The following BOP1 variants were observed in gnomAD, a reference collection of about 807,000 sequenced individuals.
BOP1 encodes the protein ribosome biogenesis protein BOP1.
Under a neutral mutation model 82.9 loss-of-function variants are expected in BOP1, and 54 were observed. That is an observed-to-expected ratio of 0.65 (90% CI 0.52 to 0.82). The LOEUF is 0.82. Ranked by LOEUF, BOP1 falls within the 40% of genes least tolerant of loss-of-function variation. The pLI is 0.00. For missense variants in BOP1, 1,170 were observed against 1,072.0 expected (o/e 1.09, Z -1.28); for synonymous variants, 566 against 451.1 (o/e 1.25, Z -3.23).
At chr8:144,267,829 G>A (rs1242138507) in intron 3 of BOP1, among the ~76,000 whole-genome samples, 3 of 152,330 alleles carry the variant, frequency 2.0e-5, no homozygotes, top group African/African-American at 7.2e-5. Context: ...GGTGAGCAGG[G>A]AGAAAATACG....
At position 144,264,875 on chromosome 8, in the gene BOP1, C is replaced by G. The variant is rs907575457; in HGVS notation, c.545+42G>C. The G allele has an allele frequency of 1.3e-4, 204 of 1,608,264 alleles. 1 individual carries two copies. In the East Asian group the frequency reaches 3.1e-3, roughly 25 times the overall value. ...ACCCCGCCAGCCCTGCCCCACCCCTCGGGCCCACCCCGGCTGCTGGCCCCA... is the reference window on the plus strand; with the variant it reads ...ACCCCGCCAGCCCTGCCCCACCCCTGGGGCCCACCCCGGCTGCTGGCCCCA... On this transcript the variant is annotated intron_variant, in intron 4 of 15. Transcript: ENST00000569669.
intron 2 of BOP1, among the ~76,000 whole-genome samples, chr8:144,284,979 G>A (rs1814824815): frequency 6.6e-6 from 1 of 152,182 alleles, no homozygotes; most frequent in African/African-American, 2.4e-5. Context: ...CGGGCTCCCC[G>A]CTACAAGGGC....
intron 3 of BOP1, among the ~76,000 whole-genome samples, chr8:144,274,436 G>C (rs1845539269): frequency 6.6e-6 from 1 of 152,196 alleles, no homozygotes; most frequent in Non-Finnish European, 1.5e-5. Flanking sequence ...CTGCCCACCT[G>C]TGGCCCCAAA....
chr8:144,264,026 C>T lies in BOP1; in HGVS notation c.1095G>A (p.Glu365=). 2 of 1,608,944 alleles carry T rather than the reference C, an allele frequency of 1.2e-6. No homozygotes were observed. Among genetic ancestry groups the T allele is most frequent in the Middle Eastern group, 1.7e-4 (1 of 6,004 alleles). ...GGCACAGGTACAGGTCAAGGCAGCG[C>T]TCGAAGCGTTCCTGGATGAAGCGTC... ...AYGRFIQERF[E]RCLDLYLCPR... The change falls in exon 8 of 16, where the codon GAG becomes GAA. Residue 365 remains glutamate, a synonymous_variant. Coordinates refer to ENST00000569669, the MANE Select transcript of BOP1 (RefSeq NM_015201.5).
rs922811861 is a variant in BOP1 at position 144,262,976 on chromosome 8, G to A, written c.1771C>T (p.Arg591Trp). Residue 591 changes from arginine to tryptophan, a missense_variant, in exon 13 of 16, where the codon CGG (arginine) becomes TGG (tryptophan). Physicochemically the swap from Arg to Trp is moderately radical, Grantham distance 101. Coordinates refer to ENST00000569669, the MANE Select transcript of BOP1 (RefSeq NM_015201.5). ...TGGGACGCCACCAACAGGAAGGGCC[G>A]GGCAGGGTGGAAGGCCACTCGCTGC... ...QVQRVAFHPA[R>W]PFLLVASQRS... 141 of 1,550,904 alleles carry A rather than the reference G, an allele frequency of 9.1e-5. No individual in the cohort carries two copies. In the South Asian group the frequency reaches 1.5e-3, roughly 17 times the overall value.
Position 144,262,428 on chromosome 8 carries a change from G to A in BOP1, c.2055C>T (p.Gly685=). The A allele has an allele frequency of 6.2e-7, 1 of 1,612,816 alleles. No homozygotes were observed. Among genetic ancestry groups the A allele is most frequent in the Non-Finnish European group, 8.5e-7 (1 of 1,179,844 alleles). Residue 685 remains glycine (G), a synonymous_variant, in exon 15 of 16, where the codon GGC becomes GGT. Coordinates refer to ENST00000569669, the MANE Select transcript of BOP1 (RefSeq NM_015201.5). The part of the protein sequence containing the change: ...YPLFASGSDD[G]SVIVCHGMVY... The stretch of plus-strand genomic sequence containing the variant: ...CCATGCCATGGCAGACGATGACACT[G>A]CCGTCGTCCGAGCCTGACGCAAAGA...
intron 3 of BOP1, among the ~76,000 whole-genome samples, chr8:144,273,120 G>A (rs996108621): frequency 6.6e-6 from 1 of 152,190 alleles, no homozygotes; most frequent in Non-Finnish European, 1.5e-5. Flanking sequence ...CCGAGGCCGC[G>A]CCGCCAGCAG....
intron 3 of BOP1, among the ~76,000 whole-genome samples, 183 bp downstream of exon 3, chr8:144,276,041 C>A (rs1845563474): frequency 6.6e-6 from 1 of 152,216 alleles, no homozygotes; most frequent in Admixed American, 6.5e-5. Flanking sequence ...GTGTCCCAGA[C>A]CCCGAAATTG....
Position 144,267,499 on chromosome 8 carries a change from T to C in BOP1, c.391-2428A>G, listed in dbSNP as rs978255134. Among the ~76,000 whole-genome samples the C allele has an allele frequency of 2.2e-4, 34 of 152,198 alleles. 1 individual carries two copies. Among genetic ancestry groups the C allele is most frequent in the African/African-American group, 6.0e-4 (25 of 41,442 alleles). On this transcript the variant is annotated intron_variant, in intron 3 of 15. Coordinates refer to ENST00000569669, the MANE Select transcript of BOP1 (RefSeq NM_015201.5). ...GGACCAGGCCGCTGCAAGCTTCCCT[T>C]TTCAGTAAGTTGAAAGGCGGAGTGA...
chr8:144,277,555 TG>T (rs1263451119), intron 2 of BOP1, among the ~76,000 whole-genome samples: 3 of 152,260 alleles, frequency 2.0e-5, no homozygotes, highest in Non-Finnish European at 4.4e-5. Flanking sequence ...TCGCTGCTCA[TG>T]GGCCGCAGTC....
chr8:144,282,785 C>CAGGGGAGG (rs1845705382), intron 2 of BOP1, among the ~76,000 whole-genome samples: 1 of 152,066 alleles, frequency 6.6e-6, no homozygotes, highest in Non-Finnish European at 1.5e-5. Context: ...TGCCAACAGT[C>CAGGGGAGG]AGGGGAGGAG....
chr8:144,264,474 G>C, intron 6 of BOP1, 37 bp from the exon 7 acceptor site: 1 of 1,607,576 alleles, frequency 6.2e-7, no homozygotes, highest in East Asian at 2.2e-5. Flanking sequence ...GCAGTGCGGG[G>C]CGGTCAGCCC....
rs1338905052 is a variant in BOP1, at chr8:144,262,982, G to A, written c.1765C>T (p.Pro589Ser). 4.5e-6 allele frequency: 7 copies of A among 1,552,702 alleles called. No individual in the cohort carries two copies. The highest frequency in any genetic ancestry group is 1.9e-5 in the Admixed American group (1 of 53,106). ...GCCACCAACAGGAAGGGCCGGGCAG[G>A]GTGGAAGGCCACTCGCTGCACCTGT... ...HGQVQRVAFH[P>S]ARPFLLVASQ... The change falls in exon 13 of 16, where the codon CCT (proline) becomes TCT (serine). Residue 589 changes from proline (P) to serine (S), a missense_variant. Pro to Ser is a moderately conservative substitution (Grantham distance 74). Transcript: ENST00000569669.
At chr8:144,267,654 A>G (rs1488990908) in intron 3 of BOP1, among the ~76,000 whole-genome samples, 12 of 152,142 alleles carry the variant, frequency 7.9e-5, no homozygotes, top group Non-Finnish European at 1.6e-4. Context: ...CCTAGGCCGC[A>G]CACCAAGACA....
intron 2 of BOP1, among the ~76,000 whole-genome samples, 185 bp downstream of exon 2, chr8:144,288,910 G>A (rs1381519366): frequency 2.0e-5 from 3 of 152,218 alleles, no homozygotes; most frequent in Non-Finnish European, 2.9e-5. Flanking sequence ...TCCTGGGAAC[G>A]GCACGCAACT....
At position 144,262,960 on chromosome 8, in the gene BOP1, A is replaced by T; in HGVS notation, c.1787T>A (p.Val596Glu). ...GAGGCGGACGCTGCGCTGGGACGCC[A>T]CCAACAGGAAGGGCCGGGCAGGGTG... ...AFHPARPFLL[V>E]ASQRSVRLYH... Residue 596 changes from valine (V) to glutamate (E), a missense_variant, in exon 13 of 16, where the codon GTG becomes GAG. Coordinates refer to ENST00000569669, the MANE Select transcript of BOP1 (RefSeq NM_015201.5). 6.5e-7 allele frequency: 1 copy of T among 1,548,156 alleles called. No homozygotes were observed. The highest frequency in any genetic ancestry group is 8.7e-7 in the Non-Finnish European group (1 of 1,153,614).
rs1845510936 is a variant in BOP1, at chr8:144,272,750, T to C, written c.390+3474A>G. On this transcript the variant is annotated intron_variant, in intron 3 of 15. Coordinates refer to ENST00000569669, the MANE Select transcript of BOP1 (RefSeq NM_015201.5). ...CATCCGAGAGCCCAGGGTACCCCCA[T>C]GAGGGCCCTGGCTTCCCTGCCCCTC... Among the ~76,000 whole-genome samples, 16 of 152,110 alleles carry C rather than the reference T, an allele frequency of 1.1e-4. 1 individual carries two copies. In the South Asian group the frequency reaches 3.3e-3, roughly 32 times the overall value.
intron 3 of BOP1, chr8:144,268,304 G>A (rs1421020549): frequency 6.0e-5 from 61 of 1,015,102 alleles, no homozygotes; most frequent in Non-Finnish European, 8.1e-5. Context: ...ACAGACGGAC[G>A]TACAGACAGG....
rs1245476638 is a variant in BOP1, at chr8:144,263,315, G to A, written c.1511C>T (p.Pro504Leu). 9.4e-6 allele frequency: 15 copies of A among 1,593,920 alleles called. No individual in the cohort carries two copies. Among genetic ancestry groups the A allele is most frequent in the African/African-American group, 2.7e-5 (2 of 74,814 alleles). The change falls in exon 12 of 16, where the codon CCG becomes CTG. Residue 504 changes from proline (P) to leucine (L), a missense_variant. Pro to Leu is a moderately conservative substitution (Grantham distance 98). Transcript: ENST00000569669. ...STDQLLSAFV[P>L]PEEPPLQPAR... ...CGGCTGCAAGGGGGGCTCCTCAGGC[G>A]GGACGAAGGCGCTCAACAGCTGATC...
Sources: gnomAD v4.1 joint callset for allele counts (sites outside exome capture counted in the v4.1 genomes callset) on GRCh38, gnomAD v4.1.1 for gene constraint, MANE v1.5 for transcripts, NCBI Gene and HGNC (gene_info 2026-07-23, HGNC 2026-07-21) for gene names.